Variants in FAM83E observed in about 807,000 individuals in gnomAD.
FAM83E encodes the protein protein FAM83E.
A neutral mutation model predicts 34.3 loss-of-function variants in FAM83E; 29 were observed. That is an observed-to-expected ratio of 0.85 (90% CI 0.63 to 1.15). FAM83E has a LOEUF of 1.15. Among genes scored for constraint, FAM83E ranks in the 50% most tolerant of loss-of-function variants. The probability of loss-of-function intolerance (pLI) is 0.00; values close to 1 mark genes in which losing one functional copy is unlikely to be tolerated. For missense variants in FAM83E, 697 were observed against 685.0 expected (o/e 1.02, Z -0.20); for synonymous variants, 312 against 311.6 (o/e 1.00, Z -0.01).
intron 4 of FAM83E, among the ~76,000 whole-genome samples, chr19:48,610,470 A>G (rs1298023901): frequency 6.7e-6 from 1 of 149,454 alleles, no homozygotes; most frequent in Non-Finnish European, 1.5e-5. Flanking sequence ...ATCAACCCTC[A>G]GGCGTTTCTT....
rs1236094 is a variant in FAM83E at position 48,600,751 on chromosome 19, A to G, written c.*358T>C. The stretch of plus-strand genomic sequence containing the variant: ...ACTGCTGCCTCCACCTCCTGAGCTC[A>G]AGGGATCCTCCCACCTCAGCCTCCT... On this transcript the variant is annotated 3_prime_UTR_variant, in exon 7 of 7. Coordinates refer to ENST00000263266, the MANE Select transcript of FAM83E (RefSeq NM_017708.4). The G allele has an allele frequency of 0.86, 149,578 of 173,560 alleles. 64,687 individuals carry two copies. The highest frequency in any genetic ancestry group is 0.89 in the Admixed American group (14,467 of 16,238). 10.8% of individuals were successfully genotyped at this position (173,560 alleles called of 1,614,324 possible).
At chr19:48,612,406 C>CT (rs922905255) in intron 3 of FAM83E, among the ~76,000 whole-genome samples, 2,133 of 140,504 alleles carry the variant, frequency 0.015, 45 homozygotes, top group African/African-American at 0.043. Flanking sequence ...CCATTTCTTT[C>CT]TTTTTTTTTT....
In FAM83E at chr19:48,601,060, T is replaced by TCCAAGCAG; in HGVS notation, c.*48_*49insCTGCTTGG. 1 of 1,566,316 alleles carries TCCAAGCAG rather than the reference T, an allele frequency of 6.4e-7. No homozygotes were observed. The highest frequency in any genetic ancestry group is 8.6e-7 in the Non-Finnish European group (1 of 1,157,516). On this transcript the variant is annotated 3_prime_UTR_variant, in exon 7 of 7. Transcript: ENST00000263266. Reference sequence around the variant, plus strand: ...GCAGAGGGCTCTGAGCCGACAGTTGTCCGGCACTGCTCCTTGGGTGGGCCA... The same window carrying TCCAAGCAG: ...GCAGAGGGCTCTGAGCCGACAGTTGTCCAAGCAGCCGGCACTGCTCCTTGGGTGGGCCA...
chr19:48,611,165 T>TGTTG (rs71179017), intron 3 of FAM83E, among the ~76,000 whole-genome samples: 112 of 150,770 alleles, frequency 7.4e-4, no homozygotes, highest in African/African-American at 2.5e-3. Flanking sequence ...TTGTTGTTGT[T>TGTTG]TTTTGTTGTT....
chr19:48,600,018 C>T lies in FAM83E; in HGVS notation c.*1091G>A, dbSNP rs402209. Among the ~76,000 whole-genome samples, 978 of 152,260 alleles carry T rather than the reference C, an allele frequency of 6.4e-3. 13 individuals are homozygous for T. Among genetic ancestry groups the T allele is most frequent in the African/African-American group, 0.022 (912 of 41,536 alleles). Reference sequence around the variant, plus strand: ...AGGTAAACGGGAGCTCCGGCAGACCCGCCCTCTCAGCGCCCACAGAAAGTC... The same window carrying T: ...AGGTAAACGGGAGCTCCGGCAGACCTGCCCTCTCAGCGCCCACAGAAAGTC... On this transcript the variant is annotated 3_prime_UTR_variant, in exon 7 of 7. Coordinates refer to ENST00000263266, the MANE Select transcript of FAM83E (RefSeq NM_017708.4).
At chr19:48,614,669 G>GCC in intron 2 of FAM83E, 39 bp downstream of exon 2, 1 of 684,856 alleles carries the variant, frequency 1.5e-6, no homozygotes, top group Non-Finnish European at 1.8e-6. Flanking sequence ...CAGCCTCCCC[G>GCC]CCCCACCCTC....
rs869031073 is a variant in FAM83E, at chr19:48,609,265, C to CTT, written c.758+609_758+610dup. Among the ~76,000 whole-genome samples, 830 of 99,622 alleles carry CTT rather than the reference C, an allele frequency of 8.3e-3. 6 individuals carry two copies. The highest frequency in any genetic ancestry group is 0.011 in the Non-Finnish European group (571 of 52,954). The allele number at this position is 99,622 out of a possible 152,430, so 65.4% of individuals were successfully genotyped here. On this transcript the variant is annotated intron_variant, in intron 5 of 6. Transcript: ENST00000263266. ...GTTATTATTTGCAGTTTCTTTCTTTCTTTTTTTTTTTTTTTTTTTTTTGCT... is the reference window on the plus strand; with the variant it reads ...GTTATTATTTGCAGTTTCTTTCTTTCTTTTTTTTTTTTTTTTTTTTTTTTGCT...
rs1361534788 is a variant in FAM83E at position 48,603,703 on chromosome 19, C to A, written c.967G>T (p.Ala323Ser). Residue 323 changes from alanine to serine, a missense_variant, in exon 6 of 7, where the codon GCG (alanine) becomes TCG (serine). Ala to Ser is a moderately conservative substitution (Grantham distance 99). Transcript: ENST00000263266. ...RVSRRRSVAP[A>S]SPPPPDGPLA... ...GGGCCGTCAGGCGGCGGAGGCGACG[C>A]GGGGGCCACGGAGCGGCGGCGGGAC... 4 of 1,377,066 alleles carry A rather than the reference C, an allele frequency of 2.9e-6. No individual in the cohort carries two copies. Among genetic ancestry groups the A allele is most frequent in the South Asian group, 3.3e-5 (2 of 60,550 alleles). 85.3% of individuals were successfully genotyped at this position (1,377,066 alleles called of 1,614,324 possible).
At chr19:48,608,768 G>A (rs1973983773) in intron 5 of FAM83E, among the ~76,000 whole-genome samples, 1 of 92,854 alleles carries the variant, frequency 1.1e-5, no homozygotes, top group African/African-American at 6.9e-5. Context: ...TTTAACAAGC[G>A]CTCCCAGGGA....
At chr19:48,606,311 T>C (rs1416438075) in intron 5 of FAM83E, among the ~76,000 whole-genome samples, 1 of 152,040 alleles carries the variant, frequency 6.6e-6, no homozygotes, top group Non-Finnish European at 1.5e-5. Context: ...AGACTCCGTC[T>C]CAAAAAAATA....
rs1974010651 is a variant in FAM83E, at chr19:48,609,909, A to G, written c.725T>C (p.Leu242Pro). ...TCCTGAGATGACCCTCTCGCCGTCC[A>G]GCAGCACAAACTTCTCCCGCACGGT... is the stretch of plus-strand genomic sequence containing the variant. ...SGTVREKFVL[L>P]DGERVISGSY... is the part of the protein sequence containing the mutation. Residue 242 changes from leucine (L) to proline (P), a missense_variant, in exon 5 of 7, where the codon CTG becomes CCG. Coordinates refer to ENST00000263266, the MANE Select transcript of FAM83E (RefSeq NM_017708.4). 1 of 1,613,088 alleles carries G rather than the reference A, an allele frequency of 6.2e-7. No individual in the cohort carries two copies. The highest frequency in any genetic ancestry group is 8.5e-7 in the Non-Finnish European group (1 of 1,179,968).
Position 48,603,928 on chromosome 19 carries a change from AG to A in FAM83E, c.759-18del. On this transcript the variant is annotated intron_variant, in intron 5 of 6. Transcript: ENST00000263266. The stretch of plus-strand genomic sequence containing the variant: ...CACGTGAAGCTGGGGGTCGGGGAGT[AG>A]GGGGTCAGAGTCTCCAACCCTGAGG... The A allele has an allele frequency of 6.3e-7, 1 of 1,586,342 alleles. No homozygotes were observed. Among genetic ancestry groups the A allele is most frequent in the Non-Finnish European group, 8.6e-7 (1 of 1,167,374 alleles).
rs869031073 is a variant in FAM83E, at chr19:48,609,265, C to CTTTTTTT, written c.758+604_758+610dup. On this transcript the variant is annotated intron_variant, in intron 5 of 6. Coordinates refer to ENST00000263266, the MANE Select transcript of FAM83E (RefSeq NM_017708.4). ...GTTATTATTTGCAGTTTCTTTCTTT[C>CTTTTTTT]TTTTTTTTTTTTTTTTTTTTTTGCT... is the stretch of plus-strand genomic sequence containing the variant. Among the ~76,000 whole-genome samples, 359 of 99,646 alleles carry CTTTTTTT rather than the reference C, an allele frequency of 3.6e-3. 1 individual carries two copies. Among genetic ancestry groups the CTTTTTTT allele is most frequent in the African/African-American group, 6.4e-3 (171 of 26,816 alleles). The allele number at this position is 99,646 out of a possible 152,430, so 65.4% of individuals were successfully genotyped here. A position where few individuals can be genotyped will look rare whatever the true frequency, so the allele number is the denominator to read the frequency against.
chr19:48,612,429 G>A (rs1359636189), intron 3 of FAM83E, among the ~76,000 whole-genome samples: 1 of 150,688 alleles, frequency 6.6e-6, no homozygotes, highest in South Asian at 2.1e-4. Context: ...TATTGAGATG[G>A]AGTCTCGCTC....
At chr19:48,604,360 C>T (rs71357834) in intron 5 of FAM83E, among the ~76,000 whole-genome samples, 11,329 of 116,458 alleles carry the variant, frequency 0.097, 666 homozygotes, top group Admixed American at 0.23. Flanking sequence ...GACGGAGTTT[C>T]GCTCTTTTTG....
Position 48,613,704 on chromosome 19 carries a change from C to T in FAM83E, c.-332G>A. The T allele has an allele frequency of 8.3e-7, 1 of 1,209,394 alleles. No homozygotes were observed. Among genetic ancestry groups the T allele is most frequent in the Non-Finnish European group, 1.0e-6 (1 of 966,576 alleles). The allele number at this position is 1,209,394 out of a possible 1,614,324, so 74.9% of individuals were successfully genotyped here. A position where few individuals can be genotyped will look rare whatever the true frequency, so the allele number is the denominator to read the frequency against. On this transcript the variant is annotated 5_prime_UTR_variant, in exon 3 of 7. Transcript: ENST00000263266. ...TCTGCTGGTCAGGTTGACCTCCTGA[C>T]ACCATCCCCAACTGTGTGACCCATC...
chr19:48,610,942 G>T, intron 3 of FAM83E, 95 bp from the exon 4 acceptor site: 1 of 1,298,378 alleles, frequency 7.7e-7, no homozygotes, highest in Non-Finnish European at 1.1e-6. Context: ...GAATCTGGGA[G>T]TAAAGTGCTC....
At chr19:48,606,635 G>A (rs766531504) in intron 5 of FAM83E, 2 of 289,332 alleles carry the variant, frequency 6.9e-6, no homozygotes, top group Non-Finnish European at 1.3e-5. Context: ...CGCCCCGGCA[G>A]GTCGGCGGGG....
At chr19:48,602,486 C>T (rs549031603) in intron 6 of FAM83E, among the ~76,000 whole-genome samples, 3 of 150,404 alleles carry the variant, frequency 2.0e-5, no homozygotes, top group Non-Finnish European at 3.0e-5. Context: ...GGGGAGGAAC[C>T]GGAAGCGCCG....
Sources: gnomAD v4.1 joint callset for allele counts (sites outside exome capture counted in the v4.1 genomes callset) on GRCh38, gnomAD v4.1.1 for gene constraint, MANE v1.5 for transcripts, NCBI Gene and HGNC (gene_info 2026-07-23, HGNC 2026-07-21) for gene names.